Variants in ZNF385C observed in about 807,000 individuals in gnomAD.
ZNF385C encodes the protein zinc finger protein 385C, also known as CTD-2132N18.2.
Under a neutral mutation model 35.4 loss-of-function variants are expected in ZNF385C, and 28 were observed. That is an observed-to-expected ratio of 0.79 (90% confidence interval 0.59 to 1.08). The LOEUF is 1.08. ZNF385C is among the 50% of genes least tolerant of loss of function. The pLI, the probability that ZNF385C is intolerant of heterozygous loss-of-function variation, is 0.00. For missense variants in ZNF385C, 605 were observed against 595.6 expected, an observed-to-expected ratio of 1.02 and a Z score of -0.16; for synonymous variants, 248 against 248.2, an observed-to-expected ratio of 1.00 and a Z score of 0.01.
chr17:42,030,587 C>G (rs2052704620), intron 5 of ZNF385C, among the ~76,000 whole-genome samples: 1 of 152,178 alleles, frequency 6.6e-6, no homozygotes, highest in Non-Finnish European at 1.5e-5. Context: ...TAAAGCTGAT[C>G]TATGCTGAGA....
chr17:42,040,638 G>C, intron 2 of ZNF385C: 1 of 1,232,336 alleles, frequency 8.1e-7, no homozygotes, highest in Non-Finnish European at 1.0e-6. Flanking sequence ...GCCAGGCCTC[G>C]GCCACTGCTT....
At chr17:42,031,094 C>G (rs1555654959) in intron 5 of ZNF385C, among the ~76,000 whole-genome samples, 1 of 152,062 alleles carries the variant, frequency 6.6e-6, no homozygotes, top group Non-Finnish European at 1.5e-5. Flanking sequence ...CAAGGTTTTG[C>G]TCTGTCACCC....
intron 1 of ZNF385C, among the ~76,000 whole-genome samples, chr17:42,078,448 A>G (rs2053708555): frequency 2.0e-4 from 2 of 10,248 alleles, no homozygotes; most frequent in African/African-American, 9.4e-4. Flanking sequence ...GATCCTTCCC[A>G]GTATGCATGG....
chr17:42,030,228 G>A (rs182869262), intron 5 of ZNF385C, among the ~76,000 whole-genome samples: 68 of 152,228 alleles, frequency 4.5e-4, no homozygotes, highest in Admixed American at 7.8e-4. Context: ...GGTGGCTCAC[G>A]CCTGTAATCC....
At chr17:42,041,406 G>C (rs2053018325) in intron 2 of ZNF385C, among the ~76,000 whole-genome samples, 1 of 152,150 alleles carries the variant, frequency 6.6e-6, no homozygotes, top group Non-Finnish European at 1.5e-5. Flanking sequence ...CTCCTGGCCT[G>C]TCTAAGAATA....
chr17:42,040,081 G>A (rs2052976542), intron 2 of ZNF385C: 3 of 1,231,286 alleles, frequency 2.4e-6, no homozygotes, highest in Non-Finnish European at 3.0e-6. Context: ...GCGCACCACG[G>A]CAGGAGCAAA....
At chr17:42,059,449 C>T (rs1289612124) in intron 2 of ZNF385C, among the ~76,000 whole-genome samples, 9 of 152,136 alleles carry the variant, frequency 5.9e-5, no homozygotes, top group South Asian at 4.1e-4. Flanking sequence ...TCAGGCCTCA[C>T]GTCTCCTGAT....
At chr17:42,038,354 A>C in intron 2 of ZNF385C, 4 of 376,850 alleles carry the variant, frequency 1.1e-5, no homozygotes, top group Non-Finnish European at 1.4e-5. Flanking sequence ...CCAGGATTTC[A>C]TGGCCAGGGC....
intron 2 of ZNF385C, chr17:42,038,650 C>T (rs2052924543): frequency 6.6e-6 from 1 of 151,910 alleles, no homozygotes; most frequent in Non-Finnish European, 1.5e-5. Flanking sequence ...CTTTTTTCGA[C>T]CCTGTCATTG....
At chr17:42,059,021 C>G (rs1335320504) in intron 2 of ZNF385C, among the ~76,000 whole-genome samples, 2 of 152,186 alleles carry the variant, frequency 1.3e-5, no homozygotes, top group Non-Finnish European at 2.9e-5. Flanking sequence ...ACTGAGGAGA[C>G]AGGAGAAAGC....
At chr17:42,033,388 G>T (rs892656869) in intron 4 of ZNF385C, among the ~76,000 whole-genome samples, 2 of 152,330 alleles carry the variant, frequency 1.3e-5, no homozygotes, top group Middle Eastern at 3.4e-3. Flanking sequence ...CTTACCAGCT[G>T]TGTGGTCTTA....
intron 1 of ZNF385C, among the ~76,000 whole-genome samples, chr17:42,083,529 C>G (rs1175294320): frequency 1.3e-5 from 2 of 151,688 alleles, no homozygotes; most frequent in Non-Finnish European, 2.9e-5. Context: ...TTTAAAAAAC[C>G]AATCACACTA....
chr17:42,042,822 G>A (rs1019465116), intron 2 of ZNF385C: 105 of 1,232,160 alleles, frequency 8.5e-5, no homozygotes, highest in Non-Finnish European at 1.1e-4. Flanking sequence ...CATACTTCTG[G>A]CTGTCACCCA....
chr17:42,059,158 C>T (rs1267772485), intron 2 of ZNF385C, among the ~76,000 whole-genome samples: 1 of 152,172 alleles, frequency 6.6e-6, no homozygotes, highest in East Asian at 1.9e-4. Context: ...AATCTAAGGA[C>T]CCGTCCCCAC....
rs112955848 is a variant in ZNF385C, at chr17:42,095,874, G to T, written c.-3+2536C>A. ...CACCTGGAACACTCACAGGGCCTGG[G>T]GCAAGGGGACAAATGGCGGCCCACA... On this transcript the variant is annotated intron_variant, in intron 1 of 8. Coordinates refer to ENST00000692273, the MANE Select transcript of ZNF385C (RefSeq NM_001392013.1). This position sits in a 1 kb window ranked among gnomAD's most constrained non-coding sequence, Gnocchi z 4.4. 6.6e-5 allele frequency among the ~76,000 whole-genome samples: 10 copies of T among 152,194 alleles called. No homozygotes were observed. Among genetic ancestry groups the T allele is most frequent in the African/African-American group, 2.2e-4 (9 of 41,532 alleles).
rs547529783 is a variant in ZNF385C at position 42,037,772 on chromosome 17, C to T, written c.364G>A (p.Ala122Thr). ...KHLLAFHFNG[A>T]APLSLFPNFS... Reference sequence around the variant, plus strand: ...TTGGGGAAGAGACTGAGCGGGGCAGCGCCATTGAAGTGGAAGGCGAGCAAG... The same window carrying T: ...TTGGGGAAGAGACTGAGCGGGGCAGTGCCATTGAAGTGGAAGGCGAGCAAG... Residue 122 changes from alanine to threonine, a missense_variant, in exon 3 of 9, where the codon GCT becomes ACT. By Grantham distance (58) the Ala-to-Thr change is moderately conservative. Transcript: ENST00000692273. The T allele has an allele frequency of 2.0e-6, 3 of 1,536,802 alleles. No individual in the cohort carries two copies. The highest frequency in any genetic ancestry group is 2.7e-5 in the African/African-American group (2 of 72,730).
intron 1 of ZNF385C, among the ~76,000 whole-genome samples, chr17:42,086,808 A>G (rs1368122042): frequency 2.7e-5 from 4 of 150,674 alleles, no homozygotes; most frequent in African/African-American, 9.7e-5. Context: ...GTTTTTTCCC[A>G]TATGTAACTC....
chr17:42,048,534 G>A (rs2053217522), intron 2 of ZNF385C, among the ~76,000 whole-genome samples: 1 of 152,040 alleles, frequency 6.6e-6, no homozygotes, highest in African/African-American at 2.4e-5. Flanking sequence ...GTGACACAGC[G>A]AGACCCTGTC....
At chr17:42,082,363 C>T (rs527940229) in intron 1 of ZNF385C, among the ~76,000 whole-genome samples, 1 of 152,360 alleles carries the variant, frequency 6.6e-6, no homozygotes, top group East Asian at 1.9e-4. Flanking sequence ...TGATGGAATA[C>T]CAACCTTCTG....
Sources: allele counts gnomAD v4.1 joint callset (sites outside exome capture counted in the v4.1 genomes callset), GRCh38; gene constraint gnomAD v4.1.1; non-coding constraint Gnocchi (gnomAD v3.1); transcripts MANE v1.5; gene names NCBI Gene and HGNC (gene_info 2026-07-23, HGNC 2026-07-21).